GRK3: variants seen among roughly 807,000 people sequenced by gnomAD.
GRK3 encodes G protein-coupled receptor kinase 3, also known as adrenergic, beta, receptor kinase 2.
In GRK3, 54 loss-of-function variants were observed where a neutral mutation model predicts 95.7. The ratio of observed to expected loss-of-function variants is 0.56; its 90% CI spans 0.45 to 0.71. GRK3 has a LOEUF of 0.71. Among genes scored for constraint, GRK3 ranks in the 30% least tolerant of loss-of-function variants. GRK3 has a pLI of 0.00. For missense variants in GRK3, 649 were observed against 851.2 expected (o/e 0.76, Z 2.96); for synonymous variants, 281 against 290.8 (o/e 0.97, Z 0.34).
intron 1 of GRK3, among the ~76,000 whole-genome samples, chr22:25,583,110 G>T (rs113026284): frequency 2.6e-5 from 4 of 150,966 alleles, no homozygotes; most frequent in Non-Finnish European, 5.9e-5. Context: ...AGGGAAGAGA[G>T]GGGGTAGGAG....
At chr22:25,631,008 G>A (rs561128990) in intron 2 of GRK3, among the ~76,000 whole-genome samples, 1 of 152,286 alleles carries the variant, frequency 6.6e-6, no homozygotes, top group African/African-American at 2.4e-5. Context: ...AGGCTTATAT[G>A]AAATAGATGA....
In GRK3 at chr22:25,683,367, G is replaced by T. The variant is rs566955264; in HGVS notation, c.748-1803G>T. Among the ~76,000 whole-genome samples the T allele has an allele frequency of 2.6e-5, 4 of 152,320 alleles. No homozygotes were observed. The East Asian group carries it at 7.7e-4, about 29-fold the overall frequency. ...AGGTATCTTGGTGCACATAAGTACAGATTGCTATTAGATGTCTACCTGGGA... is the reference window on the plus strand; with the variant it reads ...AGGTATCTTGGTGCACATAAGTACATATTGCTATTAGATGTCTACCTGGGA... On this transcript the variant is annotated intron_variant, in intron 9 of 20. Coordinates refer to ENST00000324198, the MANE Select transcript of GRK3 (RefSeq NM_005160.4).
At chr22:25,721,879 T>A (rs573912154) in intron 20 of GRK3, among the ~76,000 whole-genome samples, 1 of 152,320 alleles carries the variant, frequency 6.6e-6, no homozygotes, top group Admixed American at 6.5e-5. Context: ...AATAAACACG[T>A]ATTAGATGCA....
chr22:25,673,799 T>C (rs1397900796), intron 7 of GRK3, among the ~76,000 whole-genome samples: 1 of 152,076 alleles, frequency 6.6e-6, no homozygotes, highest in Non-Finnish European at 1.5e-5. Context: ...GGGGCATTAC[T>C]GAGATATTAT....
chr22:25,648,248 G>A (rs1400873604), intron 3 of GRK3: 8 of 796,224 alleles, frequency 1.0e-5, no homozygotes, highest in African/African-American at 1.7e-5. Flanking sequence ...ACAAAATTAG[G>A]AAACTTGACA....
chr22:25,727,593 T>G lies in GRK3; in HGVS notation c.*5143T>G, dbSNP rs2085484881. On this transcript the variant is annotated 3_prime_UTR_variant, in exon 21 of 21. Coordinates refer to ENST00000324198, the MANE Select transcript of GRK3 (RefSeq NM_005160.4). ...AGAAAATGGGTTAAGAGTATACGCA[T>G]TTCATCAAACACATATAGGGGAAAA... The G allele has an allele frequency of 6.6e-6, 1 of 152,224 alleles. No individual in the cohort carries two copies. The highest frequency in any genetic ancestry group is 1.5e-5 in the Non-Finnish European group (1 of 68,040). 9.4% of individuals were successfully genotyped at this position (152,224 alleles called of 1,614,324 possible).
At position 25,586,402 on chromosome 22, in the gene GRK3, A is replaced by C. The variant is rs370067396; in HGVS notation, c.114-17975A>C. On this transcript the variant is annotated intron_variant, in intron 1 of 20. Transcript: ENST00000324198. Reference sequence around the variant, plus strand: ...TTGTAACTCAGAGGAGAAATGCTGGAGGGGTTGGATACTCCATTCTTCATG... The same window carrying C: ...TTGTAACTCAGAGGAGAAATGCTGGCGGGGTTGGATACTCCATTCTTCATG... Among the ~76,000 whole-genome samples the C allele has an allele frequency of 2.0e-4, 30 of 152,414 alleles. No individual in the cohort carries two copies. The East Asian group carries it at 3.7e-3, about 19-fold the overall frequency.
At chr22:25,587,985 A>G (rs1208127845) in intron 1 of GRK3, among the ~76,000 whole-genome samples, 2 of 152,116 alleles carry the variant, frequency 1.3e-5, no homozygotes, top group Admixed American at 6.6e-5. Flanking sequence ...GGACTAATAC[A>G]ATGGAGTTTC....
intron 1 of GRK3, among the ~76,000 whole-genome samples, chr22:25,572,936 A>G (rs1369423100): frequency 6.6e-6 from 1 of 152,194 alleles, no homozygotes; most frequent in Non-Finnish European, 1.5e-5. Context: ...ATGCTTTTTG[A>G]TGAGTGACTT....
intron 1 of GRK3, among the ~76,000 whole-genome samples, chr22:25,597,809 G>A (rs4822643): frequency 0.018 from 2,790 of 152,272 alleles, 161 homozygotes; most frequent in Admixed American, 0.099. Flanking sequence ...AGAAGACAGT[G>A]GAGTGACATC....
At chr22:25,606,207 A>G (rs903382544) in intron 2 of GRK3, among the ~76,000 whole-genome samples, 14 of 152,334 alleles carry the variant, frequency 9.2e-5, no homozygotes, top group Admixed American at 2.0e-4. Flanking sequence ...TTTTATCTGA[A>G]GCTGTTAAAC....
rs542118090 is a variant in GRK3 at position 25,726,226 on chromosome 22, C to T, written c.*3776C>T. 5 of 152,280 alleles carry T rather than the reference C, an allele frequency of 3.3e-5. No individual in the cohort carries two copies. The highest frequency in any genetic ancestry group is 2.1e-4 in the South Asian group (1 of 4,822). 9.4% of individuals were successfully genotyped at this position (152,280 alleles called of 1,614,324 possible). On this transcript the variant is annotated 3_prime_UTR_variant, in exon 21 of 21. Coordinates refer to ENST00000324198, the MANE Select transcript of GRK3 (RefSeq NM_005160.4). The stretch of plus-strand genomic sequence containing the variant: ...TTTCTCTGCTTTTTAAAATTTCACT[C>T]GGAATTTGTAGCTGGGCCAATTCAA...
intron 2 of GRK3, among the ~76,000 whole-genome samples, chr22:25,642,901 A>G (rs2084753809): frequency 6.6e-6 from 1 of 152,232 alleles, no homozygotes; most frequent in Admixed American, 6.5e-5. Context: ...AGTGCCATAC[A>G]GCATTCCGTT....
At chr22:25,634,201 T>C (rs2084683821) in intron 2 of GRK3, among the ~76,000 whole-genome samples, 1 of 152,188 alleles carries the variant, frequency 6.6e-6, no homozygotes, top group South Asian at 2.1e-4. Context: ...TGTACTAATA[T>C]TAGGGAAACC....
In GRK3 at chr22:25,687,968, G is replaced by A. The variant is rs542072916; in HGVS notation, c.957+301G>A. ...AAAAGCAATTTAGGCCAGGTGCGGTGGCTCATGCCTGTAATCCCAGCACTT... is the reference window on the plus strand; with the variant it reads ...AAAAGCAATTTAGGCCAGGTGCGGTAGCTCATGCCTGTAATCCCAGCACTT... On this transcript the variant is annotated intron_variant, in intron 11 of 20. Transcript: ENST00000324198. Among the ~76,000 whole-genome samples, 5 of 152,314 alleles carry A rather than the reference G, an allele frequency of 3.3e-5. No individual in the cohort carries two copies. In the South Asian group the frequency reaches 1.0e-3, roughly 32 times the overall value.
chr22:25,703,711 T>C (rs957892665), intron 14 of GRK3, 135 bp downstream of exon 14: 2 of 634,360 alleles, frequency 3.2e-6, no homozygotes, highest in Non-Finnish European at 5.1e-6. Context: ...AAAATTTGCT[T>C]TCTTGAAACA....
At chr22:25,645,573 G>T (rs2084775181) in intron 3 of GRK3, among the ~76,000 whole-genome samples, 1 of 152,196 alleles carries the variant, frequency 6.6e-6, no homozygotes, top group African/African-American at 2.4e-5. Context: ...ACTGACTCCA[G>T]TGCTAAGGAA....
intron 1 of GRK3, 38 bp downstream of exon 1, chr22:25,565,191 C>T: frequency 8.4e-7 from 1 of 1,192,128 alleles, no homozygotes; most frequent in Non-Finnish European, 1.1e-6. Context: ...CCCAAGCCGC[C>T]GCCCCCTGCG....
At position 25,677,408 on chromosome 22, in the gene GRK3, GA is replaced by G. The variant is rs930994724; in HGVS notation, c.648-1399del. Among the ~76,000 whole-genome samples the G allele has an allele frequency of 1.3e-4, 17 of 135,962 alleles. No homozygotes were observed. The South Asian group carries it at 2.2e-3, about 18-fold the overall frequency. The allele number at this position is 135,962 out of a possible 152,430, so 89.2% of individuals were successfully genotyped here. A position where few individuals can be genotyped will look rare whatever the true frequency, so the allele number is the denominator to read the frequency against. ...AAAAAAAAAAAAAAAAAAAGAAAAG[GA>G]AAAAAAAAGAAAAGAAATCAACTCC... On this transcript the variant is annotated intron_variant, in intron 8 of 20. Transcript: ENST00000324198.
Sources: allele counts gnomAD v4.1 joint callset (sites outside exome capture counted in the v4.1 genomes callset), GRCh38; gene constraint gnomAD v4.1.1; transcripts MANE v1.5; gene names NCBI Gene and HGNC (gene_info 2026-07-23, HGNC 2026-07-21).